Variants in CAMSAP3 observed in about 807,000 individuals in gnomAD.
CAMSAP3 encodes the protein calmodulin regulated spectrin associated protein family member 3, also known as calmodulin-regulated spectrin-associated protein 3.
Under a neutral mutation model 112.5 loss-of-function variants are expected in CAMSAP3, and 34 were observed. That is an observed-to-expected ratio of 0.30 (90% CI 0.23 to 0.40). The LOEUF is 0.40. Among genes scored for constraint, CAMSAP3 ranks in the 10% least tolerant of loss-of-function variants. The probability of loss-of-function intolerance (pLI) is 1.00; values close to 1 mark genes in which losing one functional copy is unlikely to be tolerated. For missense variants in CAMSAP3, 1,602 were observed against 1,770.3 expected (o/e 0.90, Z 1.71); for synonymous variants, 868 against 799.8 (o/e 1.09, Z -1.44).
chr19:7,617,678 G>T lies in CAMSAP3; in HGVS notation c.3444+17G>T. Reference sequence around the variant, plus strand: ...ATTCTGGAGGTGAGCCCGCCCACACGTGGGAGTTGGGGGCTGGTGGGTGGG... The same window carrying T: ...ATTCTGGAGGTGAGCCCGCCCACACTTGGGAGTTGGGGGCTGGTGGGTGGG... On this transcript the variant is annotated intron_variant, in intron 16 of 16. Coordinates refer to ENST00000160298, the MANE Select transcript of CAMSAP3 (RefSeq NM_020902.2). This position sits in a 1 kb window ranked among gnomAD's most constrained non-coding sequence, Gnocchi z 7.5. 1 of 1,613,552 alleles carries T rather than the reference G, an allele frequency of 6.2e-7. No homozygotes were observed. The highest frequency in any genetic ancestry group is 1.3e-5 in the African/African-American group (1 of 75,050).
rs1360857162 is a variant in CAMSAP3 at position 7,606,318 on chromosome 19, C to T, written c.450C>T (p.Phe150=). The change falls in exon 3 of 17, where the codon TTC becomes TTT. Residue 150 remains phenylalanine (F), a synonymous_variant. Transcript: ENST00000160298. ...ATGCCCTCATGGCTGCCTTTGCCTT[C>T]GAGTGGACAAAGACCCTGCCAGGTC... The part of the protein sequence containing the change: ...VIDALMAAFA[F]EWTKTLPGPL... 3 of 1,613,858 alleles carry T rather than the reference C, an allele frequency of 1.9e-6. No homozygotes were observed. The highest frequency in any genetic ancestry group is 2.5e-6 in the Non-Finnish European group (3 of 1,180,008).
chr19:7,609,292 T>C (rs1239625816), intron 5 of CAMSAP3, among the ~76,000 whole-genome samples: 1 of 137,910 alleles, frequency 7.3e-6, no homozygotes, highest in African/African-American at 2.8e-5. Flanking sequence ...CACTCTAGCC[T>C]GGGCAACAGA....
Position 7,612,774 on chromosome 19 carries a change from C to G in CAMSAP3, c.2281C>G (p.Arg761Gly). ...GPKAASPSPARRVPATRRSPG... is the reference protein window; with the variant it reads ...GPKAASPSPAGRVPATRRSPG... ...CAAAGCTGCATCCCCCAGCCCCGCC[C>G]GGCGAGTCCCGGCCACCCGGCGCAG... The change falls in exon 11 of 17, where the codon CGG (arginine) becomes GGG (glycine). Residue 761 changes from arginine (R) to glycine (G), a missense_variant. This residue lies in a region of CAMSAP3 where 1,100 missense variants were observed against 1,135.7 expected (regional missense o/e 0.97). Transcript: ENST00000160298. The G allele has an allele frequency of 6.5e-7, 1 of 1,531,428 alleles. No homozygotes were observed. Among genetic ancestry groups the G allele is most frequent in the Non-Finnish European group, 8.7e-7 (1 of 1,144,060 alleles). 94.9% of individuals were successfully genotyped at this position (1,531,428 alleles called of 1,614,324 possible).
intron 1 of CAMSAP3, among the ~76,000 whole-genome samples, chr19:7,598,649 A>T (rs2029861751): frequency 6.6e-6 from 1 of 152,144 alleles, no homozygotes; most frequent in South Asian, 2.1e-4. Context: ...TTAGCCGGGA[A>T]TGATGGCACA....
At position 7,611,198 on chromosome 19, in the gene CAMSAP3, G is replaced by A. The variant is rs77929972; in HGVS notation, c.1123+30G>A. On this transcript the variant is annotated intron_variant, in intron 9 of 16. Transcript: ENST00000160298. The surrounding 1 kb of genome is among the most constrained non-coding windows in gnomAD (Gnocchi z 6.9). ...GGAGGGGGTAGGTGGCTTCTGTCAC[G>A]GGGGACCCCCCCACTCACAGACTGC... 42,514 of 1,608,764 alleles carry A rather than the reference G, an allele frequency of 0.026. 697 individuals are homozygous for A. Among genetic ancestry groups the A allele is most frequent in the Non-Finnish European group, 0.032 (38,070 of 1,176,474 alleles).
chr19:7,611,589 G>A lies in CAMSAP3; in HGVS notation c.1193+3G>A, dbSNP rs2030488400. ...AAGGCCTGGAACCGGCAGCTCAGGTGAGTAGACCTCACAGGCCAGGGTAGG... is the reference window on the plus strand; with the variant it reads ...AAGGCCTGGAACCGGCAGCTCAGGTAAGTAGACCTCACAGGCCAGGGTAGG... On this transcript the variant is annotated splice_donor_region_variant and intron_variant, in intron 10 of 16. Coordinates refer to ENST00000160298, the MANE Select transcript of CAMSAP3 (RefSeq NM_020902.2). This position sits in a 1 kb window ranked among gnomAD's most constrained non-coding sequence, Gnocchi z 6.9. 1 of 1,611,910 alleles carries A rather than the reference G, an allele frequency of 6.2e-7. No homozygotes were observed.
At chr19:7,602,551 A>C (rs915854157) in intron 1 of CAMSAP3, among the ~76,000 whole-genome samples, 3 of 152,090 alleles carry the variant, frequency 2.0e-5, no homozygotes, top group East Asian at 1.9e-4. Flanking sequence ...CCAAGGACGC[A>C]TTAAATGTGG....
intron 4 of CAMSAP3, chr19:7,606,895 C>T (rs1679140980): frequency 8.2e-6 from 12 of 1,469,130 alleles, no homozygotes; most frequent in Admixed American, 5.1e-5. Flanking sequence ...TGCCTGTCTG[C>T]GCGCCCTCTC....
intron 1 of CAMSAP3, among the ~76,000 whole-genome samples, chr19:7,598,340 G>A (rs1257769750): frequency 2.6e-5 from 4 of 152,152 alleles, no homozygotes; most frequent in Admixed American, 1.3e-4. Flanking sequence ...GGTCCCCGGG[G>A]TGGCGGTGGG....
chr19:7,608,521 G>A (rs193244158), intron 5 of CAMSAP3, among the ~76,000 whole-genome samples: 2,832 of 152,170 alleles, frequency 0.019, 144 homozygotes, highest in Admixed American at 0.12. Context: ...AGTGTGGACT[G>A]TGTGCCAGAC....
intron 11 of CAMSAP3, chr19:7,614,885 G>A (rs2030696982): frequency 5.7e-6 from 3 of 529,954 alleles, no homozygotes; most frequent in Non-Finnish European, 1.0e-5. Flanking sequence ...TCCTCCCGCA[G>A]TGTAGAGTGT....
intron 1 of CAMSAP3, among the ~76,000 whole-genome samples, 178 bp downstream of exon 1, chr19:7,596,328 C>T (rs2024440476): frequency 1.3e-5 from 2 of 150,720 alleles, no homozygotes; most frequent in Admixed American, 6.6e-5. Context: ...CTGCTCGGCC[C>T]GGGCGGTGGA....
At position 7,611,859 on chromosome 19, in the gene CAMSAP3, C is replaced by T. The variant is rs1599357551; in HGVS notation, c.1366C>T (p.Leu456=). Reference sequence around the variant, plus strand: ...CCAGCCACCCCCGGAGCCTGGTGACCTGCCCACCATCGAGGAAGCTCTGCA... The same window carrying T: ...CCAGCCACCCCCGGAGCCTGGTGACTTGCCCACCATCGAGGAAGCTCTGCA... ...PTQPPPEPGD[L]PTIEEALQII... Residue 456 remains leucine, a synonymous_variant, in exon 11 of 17, where the codon CTG becomes TTG. Coordinates refer to ENST00000160298, the MANE Select transcript of CAMSAP3 (RefSeq NM_020902.2). The surrounding 1 kb of genome is among the most constrained non-coding windows in gnomAD (Gnocchi z 6.9). 1.3e-6 allele frequency: 2 copies of T among 1,568,624 alleles called. No individual in the cohort carries two copies. The highest frequency in any genetic ancestry group is 8.6e-7 in the Non-Finnish European group (1 of 1,157,148).
At position 7,608,141 on chromosome 19, in the gene CAMSAP3, G is replaced by C; in HGVS notation, c.637G>C (p.Asp213His). Residue 213 changes from aspartate (D) to histidine (H), a missense_variant, in exon 5 of 17, where the codon GAC becomes CAC. By Grantham distance (81) the Asp-to-His change is moderately conservative. This residue lies in a region of CAMSAP3 where 112 missense variants were observed against 94.2 expected (regional missense o/e 1.19). Transcript: ENST00000160298. Reference protein sequence around the residue: ...PAQPSIRYRKDRVVARRAPCF... With the variant: ...PAQPSIRYRKHRVVARRAPCF... ...CCATCTGCAGATCCGATACCGCAAGGACCGTGTGGTGGCGCGACGTGCCCC... is the reference window on the plus strand; with the variant it reads ...CCATCTGCAGATCCGATACCGCAAGCACCGTGTGGTGGCGCGACGTGCCCC... 3 of 1,611,682 alleles carry C rather than the reference G, an allele frequency of 1.9e-6. No individual in the cohort carries two copies. Among genetic ancestry groups the C allele is most frequent in the Non-Finnish European group, 2.5e-6 (3 of 1,179,788 alleles).
rs760858536 is a variant in CAMSAP3, at chr19:7,612,749, C to T, written c.2256C>T (p.Pro752=). The T allele has an allele frequency of 1.4e-5, 21 of 1,532,344 alleles. 1 individual carries two copies. In the South Asian group the frequency reaches 2.5e-4, roughly 18 times the overall value. The allele number at this position is 1,532,344 out of a possible 1,614,324, so 94.9% of individuals were successfully genotyped here. Residue 752 remains proline (P), a synonymous_variant, in exon 11 of 17, where the codon CCC becomes CCT. Coordinates refer to ENST00000160298, the MANE Select transcript of CAMSAP3 (RefSeq NM_020902.2). The part of the protein sequence containing the change: ...AWVIPGPTTG[P]KAASPSPARR... ...TCATCCCTGGCCCCACGACGGGGCC[C>T]AAAGCTGCATCCCCCAGCCCCGCCC...
rs62113426 is a variant in CAMSAP3 at position 7,615,117 on chromosome 19, G to C, written c.2671-66G>C. The C allele has an allele frequency of 0.11, 174,728 of 1,541,554 alleles. 10,945 individuals are homozygous for C. The highest frequency in any genetic ancestry group is 0.19 in the African/African-American group (14,068 of 72,950). ...GTGGGTGGCGGGCAGGCTGGGTGGAGGGAAGATGGGCCTCCAGCCATGTTG... is the reference window on the plus strand; with the variant it reads ...GTGGGTGGCGGGCAGGCTGGGTGGACGGAAGATGGGCCTCCAGCCATGTTG... On this transcript the variant is annotated intron_variant, in intron 11 of 16. Transcript: ENST00000160298. This position sits in a 1 kb window ranked among gnomAD's most constrained non-coding sequence, Gnocchi z 6.5.
At chr19:7,609,574 T>C (rs1442136070) in intron 5 of CAMSAP3, among the ~76,000 whole-genome samples, 2 of 152,176 alleles carry the variant, frequency 1.3e-5, no homozygotes, top group East Asian at 3.9e-4. Flanking sequence ...TGGAAGACAA[T>C]TTTTCCACAG....
rs1021539238 is a variant in CAMSAP3 at position 7,596,209 on chromosome 19, G to T, written c.148+59G>T. ...GCGGGCCGGGCGCGGCAGGTGCTGG[G>T]GGGGGGCGGGGCGCCGGGCCGGGAA... On this transcript the variant is annotated intron_variant, in intron 1 of 16. Coordinates refer to ENST00000160298, the MANE Select transcript of CAMSAP3 (RefSeq NM_020902.2). 1,261 of 643,436 alleles carry T rather than the reference G, an allele frequency of 2.0e-3. 62 individuals are homozygous for T. The highest frequency in any genetic ancestry group is 2.2e-3 in the Non-Finnish European group (1,105 of 513,084). 39.9% of individuals were successfully genotyped at this position (643,436 alleles called of 1,614,324 possible).
At position 7,601,748 on chromosome 19, in the gene CAMSAP3, A is replaced by T. The variant is rs908142482; in HGVS notation, c.149-3478A>T. 3.3e-5 allele frequency among the ~76,000 whole-genome samples: 5 copies of T among 150,920 alleles called. No individual in the cohort carries two copies. In the South Asian group the frequency reaches 1.0e-3, roughly 31 times the overall value. On this transcript the variant is annotated intron_variant, in intron 1 of 16. Transcript: ENST00000160298. ...AAAATAAAATAAAATAAAATAAAATAAAATAAATGAATAAATAAAATAAAA... is the reference window on the plus strand; with the variant it reads ...AAAATAAAATAAAATAAAATAAAATTAAATAAATGAATAAATAAAATAAAA...
Sources: gnomAD v4.1 joint callset for allele counts (sites outside exome capture counted in the v4.1 genomes callset) on GRCh38, gnomAD v4.1.1 for gene constraint, gnomAD v4.1.1 regional missense constraint, Gnocchi (gnomAD v3.1) non-coding constraint, MANE v1.5 for transcripts, NCBI Gene and HGNC (gene_info 2026-07-23, HGNC 2026-07-21) for gene names.